The following ETV6 variants were observed in gnomAD, a reference collection of about 807,000 sequenced individuals.
ETV6 encodes the protein ETS variant transcription factor 6.
ETV6 carries 16 observed loss-of-function variants against 51.1 expected under a neutral mutation model. The ratio of observed to expected loss-of-function variants is 0.31; its 90% CI spans 0.21 to 0.48. The LOEUF (loss-of-function observed/expected upper bound fraction) is 0.48, where lower values mean the gene tolerates loss of function less well. Ranked by LOEUF, ETV6 falls within the 20% of genes least tolerant of loss-of-function variation. ETV6 has a pLI of 0.99. For synonymous variants in ETV6, 240 were observed against 224.1 expected, an observed-to-expected ratio of 1.07 and a Z score of -0.64; for missense variants, 458 against 594.8, an observed-to-expected ratio of 0.77 and a Z score of 2.39.
chr12:11,744,016 T>C (rs1244240077), intron 1 of ETV6, among the ~76,000 whole-genome samples: 1 of 152,198 alleles, frequency 6.6e-6, no homozygotes, highest in East Asian at 1.9e-4. Context: ...TGCAGGAGCC[T>C]TGCTTTCATC....
rs891404433 is a variant in ETV6, at chr12:11,869,671, G to C, written c.711G>C (p.Val237=). 5.6e-6 allele frequency: 9 copies of C among 1,613,996 alleles called. No individual in the cohort carries two copies. The highest frequency in any genetic ancestry group is 1.7e-5 in the Admixed American group (1 of 60,004). ...NNHQESYPLS[V]SPMENNHCPA... ...ACCAGGAGTCCTACCCTCTGTCAGT[G>C]TCTCCCATGGAGAATAATCACTGCC... Residue 237 remains valine, a synonymous_variant, in exon 5 of 8, where the codon GTG becomes GTC. Coordinates refer to ENST00000396373, the MANE Select transcript of ETV6 (RefSeq NM_001987.5). The surrounding 1 kb of genome is among the most constrained non-coding windows in gnomAD (Gnocchi z 5.0).
chr12:11,783,921 G>A (rs1022290878), intron 2 of ETV6, among the ~76,000 whole-genome samples: 1 of 152,122 alleles, frequency 6.6e-6, no homozygotes, highest in Non-Finnish European at 1.5e-5. Context: ...AAATGGGAGA[G>A]TGCCTGATTG....
At chr12:11,840,384 T>C (rs140465438) in intron 3 of ETV6, 97 of 455,768 alleles carry the variant, frequency 2.1e-4, no homozygotes, top group Non-Finnish European at 3.6e-4. Flanking sequence ...AGGGGAACTG[T>C]GGTCTCAGGT....
chr12:11,666,140 C>T (rs1016565021), intron 1 of ETV6, among the ~76,000 whole-genome samples: 2 of 152,188 alleles, frequency 1.3e-5, no homozygotes, highest in East Asian at 3.9e-4. Context: ...GTTGCTCCCC[C>T]ACCCCATTCC....
At chr12:11,728,272 A>G (rs546249860) in intron 1 of ETV6, among the ~76,000 whole-genome samples, 5 of 152,242 alleles carry the variant, frequency 3.3e-5, no homozygotes, top group African/African-American at 9.6e-5. Flanking sequence ...GCACTTTTAT[A>G]CCTCCTGTAA....
intron 1 of ETV6, among the ~76,000 whole-genome samples, chr12:11,722,230 A>C (rs1165553366): frequency 6.6e-6 from 1 of 152,202 alleles, no homozygotes; most frequent in Non-Finnish European, 1.5e-5. Flanking sequence ...AGAAAAGTCG[A>C]CTGGTTTGAG....
chr12:11,650,751 A>AT (rs932521227), intron 1 of ETV6, among the ~76,000 whole-genome samples: 17 of 151,544 alleles, frequency 1.1e-4, no homozygotes, highest in Admixed American at 2.0e-4. Context: ...TGCACAATGA[A>AT]TTTTTTTTTA....
intron 2 of ETV6, among the ~76,000 whole-genome samples, chr12:11,833,820 T>C (rs1446154268): frequency 6.6e-6 from 1 of 152,146 alleles, no homozygotes; most frequent in Non-Finnish European, 1.5e-5. Context: ...GGTGGGGTGT[T>C]AAGAGTTGAC....
chr12:11,718,971 G>A (rs894735912), intron 1 of ETV6, among the ~76,000 whole-genome samples: 1 of 152,220 alleles, frequency 6.6e-6, no homozygotes, highest in East Asian at 1.9e-4. Context: ...TCTCTCTCCT[G>A]AAGTTGTTGA....
Position 11,869,797 on chromosome 12 carries a change from G to A in ETV6, c.837G>A (p.Leu279=), listed in dbSNP as rs1946851735. ...GCCCCATCATGCACCCTCTGATCCT[G>A]AACCCCCGGCACTCCGTGGATTTCA... ...MPSPIMHPLI[L]NPRHSVDFKQ... Residue 279 remains leucine, a synonymous_variant, in exon 5 of 8, where the codon CTG becomes CTA. Transcript: ENST00000396373. The surrounding 1 kb of genome is among the most constrained non-coding windows in gnomAD (Gnocchi z 5.0). 1.9e-6 allele frequency: 3 copies of A among 1,613,050 alleles called. No homozygotes were observed. The highest frequency in any genetic ancestry group is 2.7e-5 in the African/African-American group (2 of 74,912).
At chr12:11,684,571 G>C (rs564196013) in intron 1 of ETV6, among the ~76,000 whole-genome samples, 1 of 152,280 alleles carries the variant, frequency 6.6e-6, no homozygotes, top group East Asian at 1.9e-4. Context: ...TGATCACTAC[G>C]TGACTAATCT....
intron 1 of ETV6, among the ~76,000 whole-genome samples, chr12:11,673,022 G>A (rs1026709456): frequency 6.6e-6 from 1 of 152,206 alleles, no homozygotes; most frequent in African/African-American, 2.4e-5. Context: ...CTTTCCAGAC[G>A]AAATCTGGCA....
intron 1 of ETV6, among the ~76,000 whole-genome samples, chr12:11,688,822 C>CAG (rs1179367669): frequency 6.6e-6 from 1 of 152,166 alleles, no homozygotes; most frequent in Non-Finnish European, 1.5e-5. Flanking sequence ...ATCCCCTGGT[C>CAG]AGGACATCAT....
At chr12:11,739,441 G>A (rs908202990) in intron 1 of ETV6, among the ~76,000 whole-genome samples, 5 of 152,072 alleles carry the variant, frequency 3.3e-5, no homozygotes, top group African/African-American at 1.2e-4. Context: ...CAGAGAGATG[G>A]GATTCTTAAT....
intron 5 of ETV6, among the ~76,000 whole-genome samples, chr12:11,884,174 G>A (rs1009647314): frequency 6.6e-6 from 1 of 152,258 alleles, no homozygotes; most frequent in Middle Eastern, 3.4e-3. Context: ...GGTCACGACC[G>A]TGGACTTCTG....
chr12:11,691,200 T>C (rs942905792), intron 1 of ETV6, among the ~76,000 whole-genome samples: 1 of 152,090 alleles, frequency 6.6e-6, no homozygotes, highest in African/African-American at 2.4e-5. Flanking sequence ...CCCTCATGAC[T>C]TAAAACACCT....
chr12:11,766,837 G>A (rs969192285), intron 2 of ETV6, among the ~76,000 whole-genome samples: 1 of 152,182 alleles, frequency 6.6e-6, no homozygotes, highest in South Asian at 2.1e-4. Context: ...GGCAGTAAAT[G>A]TAAGTGCTAT....
chr12:11,891,239 G>T lies in ETV6; in HGVS notation c.*193G>T, dbSNP rs895152333. 8.9e-5 allele frequency: 47 copies of T among 527,038 alleles called. No homozygotes were observed. Among genetic ancestry groups the T allele is most frequent in the East Asian group, 9.6e-5 (3 of 31,292 alleles). The allele number at this position is 527,038 out of a possible 1,614,324, so 32.6% of individuals were successfully genotyped here. On this transcript the variant is annotated 3_prime_UTR_variant, in exon 8 of 8. Transcript: ENST00000396373. The stretch of plus-strand genomic sequence containing the variant: ...AGACAAACTACCCAGCACAGGCGGG[G>T]CTGGAATTCTGGCGGAGGGCATGAG...
chr12:11,824,041 TAGG>T (rs1946119423), intron 2 of ETV6, among the ~76,000 whole-genome samples: 1 of 152,196 alleles, frequency 6.6e-6, no homozygotes, highest in Non-Finnish European at 1.5e-5. Flanking sequence ...AGCGATTCAC[TAGG>T]AGAACCCGAA....
Sources: allele counts gnomAD v4.1 joint callset (sites outside exome capture counted in the v4.1 genomes callset), GRCh38; gene constraint gnomAD v4.1.1; non-coding constraint Gnocchi (gnomAD v3.1); transcripts MANE v1.5; gene names NCBI Gene and HGNC (gene_info 2026-07-23, HGNC 2026-07-21).